The following OPRL1 variants were observed in gnomAD, a reference collection of about 807,000 sequenced individuals.
The protein encoded by OPRL1 is nociceptin receptor.
OPRL1 carries 5 observed loss-of-function variants against 15.5 expected under a neutral mutation model. The observed-to-expected ratio is 0.32, with a 90% CI of 0.17 to 0.68. The LOEUF is 0.68. OPRL1 is among the 30% of genes least tolerant of loss of function. The pLI, the probability that OPRL1 is intolerant of heterozygous loss-of-function variation, is 0.72. For synonymous variants in OPRL1, 223 were observed against 230.2 expected (o/e 0.97, Z 0.28); for missense variants, 406 against 515.3 (o/e 0.79, Z 2.05).
rs2229206 is a variant in OPRL1 at position 64,098,812 on chromosome 20, C to A, written c.*13C>A. The A allele has an allele frequency of 6.3e-6, 10 of 1,576,100 alleles. No individual in the cohort carries two copies. Among genetic ancestry groups the A allele is most frequent in the Admixed American group, 1.7e-5 (1 of 58,550 alleles). ...GCGGCCCGCATGACTAGGCGTGGAC[C>A]TGCCCATGGTGCCTGTCAGCCCGCA... On this transcript the variant is annotated 3_prime_UTR_variant, in exon 5 of 5. Coordinates refer to ENST00000336866, the MANE Select transcript of OPRL1 (RefSeq NM_182647.4).
chr20:64,097,656 CACTT>C lies in OPRL1; in HGVS notation c.234-143_234-140del, dbSNP rs1979337913. On this transcript the variant is annotated intron_variant, in intron 3 of 4. Transcript: ENST00000336866. The surrounding 1 kb of genome is among the most constrained non-coding windows in gnomAD (Gnocchi z 4.2). ...GTCTCAGGTTGGGTCCAGGAGCTAT[CACTT>C]ACCAAGCCCCCATGGGAACTCTGAT... 1 of 723,568 alleles carries C rather than the reference CACTT, an allele frequency of 1.4e-6. No individual in the cohort carries two copies. The highest frequency in any genetic ancestry group is 3.0e-4 in the Middle Eastern group (1 of 3,306). 44.8% of individuals were successfully genotyped at this position (723,568 alleles called of 1,614,324 possible).
At chr20:64,094,739 AGGGGGATAGCGTG>A (rs1200478303) in intron 3 of OPRL1, among the ~76,000 whole-genome samples, 1 of 2,052 alleles carries the variant, frequency 4.9e-4, no homozygotes, top group Admixed American at 4.2e-3. Flanking sequence ...GGGAGCACCC[AGGGGGATAGCGTG>A]GGGGGATAGC....
Position 64,098,713 on chromosome 20 carries a change from G to C in OPRL1, c.1027G>C (p.Val343Leu), listed in dbSNP as rs149018404. 1.2e-6 allele frequency: 2 copies of C among 1,612,460 alleles called. No individual in the cohort carries two copies. Among genetic ancestry groups the C allele is most frequent in the Admixed American group, 3.3e-5 (2 of 60,022 alleles). Residue 343 changes from valine (V) to leucine (L), a missense_variant, in exon 5 of 5, where the codon GTG becomes CTG. Val to Leu is a conservative substitution (Grantham distance 32). Coordinates refer to ENST00000336866, the MANE Select transcript of OPRL1 (RefSeq NM_182647.4). The part of the protein sequence containing the change: ...FCCASALRRD[V>L]QVSDRVRSIA... Reference sequence around the variant, plus strand: ...CTGTGCATCTGCCCTGCGCCGGGACGTGCAGGTGTCTGACCGCGTGCGCAG... The same window carrying C: ...CTGTGCATCTGCCCTGCGCCGGGACCTGCAGGTGTCTGACCGCGTGCGCAG...
chr20:64,098,076 G>A lies in OPRL1; in HGVS notation c.508G>A (p.Val170Ile), dbSNP rs1040573290. The stretch of plus-strand genomic sequence containing the variant: ...CCGCACGTCCAGCAAAGCCCAGGCT[G>A]TCAATGTGGCCATCTGGGCCCTGGC... The part of the protein sequence containing the change: ...DVRTSSKAQA[V>I]NVAIWALASV... The change falls in exon 4 of 5, where the codon GTC (valine) becomes ATC (isoleucine). Residue 170 changes from valine to isoleucine, a missense_variant. Transcript: ENST00000336866. The A allele has an allele frequency of 4.3e-6, 7 of 1,613,246 alleles. No homozygotes were observed. The highest frequency in any genetic ancestry group is 1.1e-5 in the South Asian group (1 of 91,084).
At chr20:64,088,917 C>G (rs1601635577) in intron 1 of OPRL1, among the ~76,000 whole-genome samples, 96 of 140,560 alleles carry the variant, frequency 6.8e-4, no homozygotes, top group Admixed American at 1.4e-3. Context: ...TGCAGAGTGG[C>G]CAGGATCTGT....
At position 64,083,980 on chromosome 20, in the gene OPRL1, C is replaced by T. The variant is rs1050791122; in HGVS notation, c.-185+3628C>T. The T allele has an allele frequency of 2.0e-6, 3 of 1,472,052 alleles. No individual in the cohort carries two copies. The highest frequency in any genetic ancestry group is 1.8e-6 in the Non-Finnish European group (2 of 1,119,550). 91.2% of individuals were successfully genotyped at this position (1,472,052 alleles called of 1,614,324 possible). ...GGTACCCCGGTTCCACCGACCCGCA[C>T]GGGAAGGTGGAGGCCGCCGCGCCCA... On this transcript the variant is annotated intron_variant, in intron 1 of 4. Transcript: ENST00000336866. This position sits in a 1 kb window ranked among gnomAD's most constrained non-coding sequence, Gnocchi z 4.9.
In OPRL1 at chr20:64,100,109, T is replaced by TGGGG. The variant is rs3215634; in HGVS notation, c.*1317_*1320dup. The TGGGG allele has an allele frequency of 8.1e-6, 1 of 124,194 alleles. No homozygotes were observed. Among genetic ancestry groups the TGGGG allele is most frequent in the African/African-American group, 2.8e-5 (1 of 35,906 alleles). 7.7% of individuals were successfully genotyped at this position (124,194 alleles called of 1,614,324 possible). Reference sequence around the variant, plus strand: ...GTGGCTGTGAGGACACTGCGGGGGTTGGGGGGGGGGCGTCTGTACCTCAGG... The same window carrying TGGGG: ...GTGGCTGTGAGGACACTGCGGGGGTTGGGGGGGGGGGGGGCGTCTGTACCTCAGG... On this transcript the variant is annotated 3_prime_UTR_variant, in exon 5 of 5. Transcript: ENST00000336866.
chr20:64,083,476 T>C lies in OPRL1; in HGVS notation c.-185+3124T>C. On this transcript the variant is annotated intron_variant, in intron 1 of 4. Transcript: ENST00000336866. The surrounding 1 kb of genome is among the most constrained non-coding windows in gnomAD (Gnocchi z 4.9). ...GTGCCATCCACGTTCTCCTCCAGGA[T>C]GGTCTCCACGCGCCTCCGCTGCCGG... is the stretch of plus-strand genomic sequence containing the variant. 3 of 1,602,688 alleles carry C rather than the reference T, an allele frequency of 1.9e-6. No homozygotes were observed. Among genetic ancestry groups the C allele is most frequent in the Non-Finnish European group, 2.6e-6 (3 of 1,175,580 alleles).
intron 1 of OPRL1, among the ~76,000 whole-genome samples, chr20:64,084,620 C>G (rs898282301): frequency 6.6e-6 from 1 of 152,232 alleles, no homozygotes; most frequent in Non-Finnish European, 1.5e-5. Context: ...GCCCCTATGT[C>G]TGCGGTCCCC....
chr20:64,090,349 A>G lies in OPRL1; in HGVS notation c.-184-1617A>G, dbSNP rs2060107270. The stretch of plus-strand genomic sequence containing the variant: ...TGAGTCTTGGTTGCCGTGAAGATGC[A>G]GGGAGAAATCCTGGGGGACAGCGAG... On this transcript the variant is annotated intron_variant, in intron 1 of 4. Transcript: ENST00000336866. This position sits in a 1 kb window ranked among gnomAD's most constrained non-coding sequence, Gnocchi z 4.9. Among the ~76,000 whole-genome samples the G allele has an allele frequency of 6.6e-6, 1 of 152,146 alleles. No individual in the cohort carries two copies. Among genetic ancestry groups the G allele is most frequent in the African/African-American group, 2.4e-5 (1 of 41,428 alleles).
intron 1 of OPRL1, chr20:64,084,022 G>A: frequency 6.7e-7 from 1 of 1,502,902 alleles, no homozygotes; most frequent in Non-Finnish European, 8.8e-7. Flanking sequence ...CCAGCAGGTC[G>A]CCGAAGAGCA....
chr20:64,084,732 C>T (rs1187409215), intron 1 of OPRL1, among the ~76,000 whole-genome samples: 1 of 152,166 alleles, frequency 6.6e-6, no homozygotes, highest in Admixed American at 6.5e-5. Context: ...GAGGGAGGGT[C>T]CAAAAGCCCA....
At chr20:64,084,508 G>T (rs758833532) in intron 1 of OPRL1, 1 of 704,740 alleles carries the variant, frequency 1.4e-6, no homozygotes, top group Non-Finnish European at 1.9e-6. Flanking sequence ...CTACCCGATG[G>T]ACTGTTCTGT....
At chr20:64,095,345 C>T (rs1978995323) in intron 3 of OPRL1, among the ~76,000 whole-genome samples, 5 of 59,638 alleles carry the variant, frequency 8.4e-5, no homozygotes, top group South Asian at 5.0e-4. Context: ...GGTGGATAGT[C>T]GGGGGGGAGC....
Position 64,099,241 on chromosome 20 carries a change from G to T in OPRL1, c.*442G>T, listed in dbSNP as rs1979561999. On this transcript the variant is annotated 3_prime_UTR_variant, in exon 5 of 5. Transcript: ENST00000336866. The stretch of plus-strand genomic sequence containing the variant: ...AGCTGTGTCATCCTGTGCCCCCCAT[G>T]TGCTGTGTGCTGTTTGCATGGCAGG... The T allele has an allele frequency of 5.2e-6, 1 of 192,342 alleles. No individual in the cohort carries two copies. Among genetic ancestry groups the T allele is most frequent in the South Asian group, 1.3e-4 (1 of 7,788 alleles). 11.9% of individuals were successfully genotyped at this position (192,342 alleles called of 1,614,324 possible). A position where few individuals can be genotyped will look rare whatever the true frequency, so the allele number is the denominator to read the frequency against.
intron 3 of OPRL1, among the ~76,000 whole-genome samples, chr20:64,096,148 G>A (rs1323784675): frequency 1.3e-5 from 2 of 152,092 alleles, no homozygotes; most frequent in Non-Finnish European, 2.9e-5. Flanking sequence ...TGATATGATC[G>A]CTTCTCTACT....
chr20:64,083,701 T>G lies in OPRL1; in HGVS notation c.-185+3349T>G. 7.2e-7 allele frequency: 1 copy of G among 1,390,912 alleles called. No homozygotes were observed. Among genetic ancestry groups the G allele is most frequent in the South Asian group, 1.6e-5 (1 of 61,894 alleles). 86.2% of individuals were successfully genotyped at this position (1,390,912 alleles called of 1,614,324 possible). On this transcript the variant is annotated intron_variant, in intron 1 of 4. Coordinates refer to ENST00000336866, the MANE Select transcript of OPRL1 (RefSeq NM_182647.4). The surrounding 1 kb of genome is among the most constrained non-coding windows in gnomAD (Gnocchi z 4.9). ...CCGCTGGATGAGCAGCGCGATCTCC[T>G]CGGCCTGCGGGGCCCGGGTAGCTGA...
chr20:64,096,685 G>A (rs1440110923), intron 3 of OPRL1, among the ~76,000 whole-genome samples: 1 of 151,752 alleles, frequency 6.6e-6, no homozygotes, highest in Non-Finnish European at 1.5e-5. Flanking sequence ...TGCCAATATC[G>A]CCGCCACCAT....
intron 1 of OPRL1, 95 bp downstream of exon 1, chr20:64,080,447 A>T (rs1482917282): frequency 6.8e-6 from 1 of 147,848 alleles, no homozygotes; most frequent in Admixed American, 6.7e-5. Flanking sequence ...TTCCCAAGGA[A>T]GGGGGAGATT....
Sources: gnomAD v4.1 joint callset for allele counts (sites outside exome capture counted in the v4.1 genomes callset) on GRCh38, gnomAD v4.1.1 for gene constraint, Gnocchi (gnomAD v3.1) non-coding constraint, MANE v1.5 for transcripts, NCBI Gene and HGNC (gene_info 2026-07-23, HGNC 2026-07-21) for gene names.